Variants in FUT8 observed in about 807,000 individuals in gnomAD.
FUT8 encodes the protein fucosyltransferase 8, also known as alpha-(1,6)-fucosyltransferase.
FUT8 carries 29 observed loss-of-function variants against 71.3 expected under a neutral mutation model. That is an observed-to-expected ratio of 0.41 (90% CI 0.30 to 0.55). The LOEUF (loss-of-function observed/expected upper bound fraction) is 0.55. Ranked by LOEUF, FUT8 falls within the 20% of genes least tolerant of loss-of-function variation. FUT8 has a pLI of 0.34. For missense variants in FUT8, 544 were observed against 702.1 expected (o/e 0.77, Z 2.55); for synonymous variants, 254 against 239.3 (o/e 1.06, Z -0.57).
chr14:65,381,263 T>A, the FUT8 span, among the ~76,000 whole-genome samples: 1 of 152,228 alleles, frequency 6.6e-6, no homozygotes, highest in African/African-American at 2.4e-5. Context: ...CTCTTTCCTT[T>A]AAACTAAACT....
intron 9 of FUT8, among the ~76,000 whole-genome samples, chr14:65,729,606 C>G (rs913286058): frequency 1.3e-5 from 2 of 151,720 alleles, no homozygotes; most frequent in Admixed American, 1.3e-4. Flanking sequence ...GCCTCGACCT[C>G]CTGGGCTCAA....
chr14:65,409,247 C>T (rs959704815), upstream of FUT8, among the ~76,000 whole-genome samples: 8 of 152,164 alleles, frequency 5.3e-5, no homozygotes, highest in South Asian at 2.1e-4. The surrounding 1 kb of genome is among the most constrained non-coding windows in gnomAD (Gnocchi z 5.4). Flanking sequence ...TATAAAACAA[C>T]GAGAACAATT....
At chr14:65,386,397 G>A in the FUT8 span, among the ~76,000 whole-genome samples, 1 of 151,408 alleles carries the variant, frequency 6.6e-6, no homozygotes, top group African/African-American at 2.4e-5. Flanking sequence ...TTAGCTACTT[G>A]GGAGGCTGAG....
At chr14:65,474,142 G>A (rs1208667563) in intron 2 of FUT8, among the ~76,000 whole-genome samples, 2 of 151,946 alleles carry the variant, frequency 1.3e-5, no homozygotes, top group Non-Finnish European at 2.9e-5. Context: ...AGACTGAGAC[G>A]CGGGGAGAAT....
intron 5 of FUT8, among the ~76,000 whole-genome samples, chr14:65,626,577 T>G (rs1889908804): frequency 1.3e-5 from 2 of 152,258 alleles, no homozygotes; most frequent in Admixed American, 6.5e-5. Flanking sequence ...TTTGTGACTT[T>G]GAGCAAATTA....
intron 10 of FUT8, among the ~76,000 whole-genome samples, chr14:65,734,726 A>G (rs887754153): frequency 3.9e-5 from 6 of 152,152 alleles, no homozygotes; most frequent in Admixed American, 6.5e-5. Flanking sequence ...ACAACCTCCA[A>G]ACATTCTTGA....
At chr14:65,662,068 G>A (rs1295911835) in intron 6 of FUT8, among the ~76,000 whole-genome samples, 2 of 152,094 alleles carry the variant, frequency 1.3e-5, no homozygotes, top group Admixed American at 6.6e-5. Context: ...GTTGAAGCAG[G>A]GTCATTCTTG....
intron 1 of FUT8, among the ~76,000 whole-genome samples, chr14:65,444,751 T>G (rs981264255): frequency 1.3e-5 from 2 of 152,250 alleles, no homozygotes; most frequent in Admixed American, 6.5e-5. Context: ...AGAGAATGTG[T>G]ACTGGTTATC....
chr14:65,635,357 A>G (rs1431195857), intron 6 of FUT8, among the ~76,000 whole-genome samples: 3 of 152,158 alleles, frequency 2.0e-5, no homozygotes, highest in Non-Finnish European at 4.4e-5. Context: ...TGCTCTGGCT[A>G]GGACTTCCAG....
chr14:65,424,751 T>C (rs1354166333), intron 1 of FUT8, among the ~76,000 whole-genome samples: 1 of 152,038 alleles, frequency 6.6e-6, no homozygotes, highest in East Asian at 1.9e-4. Context: ...ACCTCTGCCT[T>C]CTGACTCAAG....
chr14:65,465,015 ATT>A (rs1322386102), intron 2 of FUT8, among the ~76,000 whole-genome samples: 17 of 152,316 alleles, frequency 1.1e-4, no homozygotes, highest in African/African-American at 3.8e-4. Flanking sequence ...ATTTAGGCTT[ATT>A]CAGATTATTT....
At chr14:65,666,227 T>A (rs980782377) in intron 6 of FUT8, among the ~76,000 whole-genome samples, 3 of 152,180 alleles carry the variant, frequency 2.0e-5, no homozygotes, top group Admixed American at 2.0e-4. Flanking sequence ...TACGGTTTTC[T>A]TTGGATTCAC....
Position 65,526,048 on chromosome 14 carries a change from G to C in FUT8, c.-227-35289G>C, listed in dbSNP as rs1883443728. ...AAGAATGTATATTCTGTTGATTTGG[G>C]GTGGGGAGTTCTGTAGATGTCTATT... On this transcript the variant is annotated intron_variant, in intron 2 of 10. Coordinates refer to ENST00000673929, the MANE Select transcript of FUT8 (RefSeq NM_001371533.1). 3.9e-5 allele frequency among the ~76,000 whole-genome samples: 6 copies of C among 152,152 alleles called. No homozygotes were observed. The South Asian group carries it at 1.2e-3, about 32-fold the overall frequency.
rs2066163071 is a variant in FUT8, at chr14:65,472,486, AAGT to A, written c.-228+16770_-228+16772del. Among the ~76,000 whole-genome samples, 2 of 152,294 alleles carry A rather than the reference AAGT, an allele frequency of 1.3e-5. No homozygotes were observed. Among genetic ancestry groups the A allele is most frequent in the Admixed American group, 6.5e-5 (1 of 15,308 alleles). ...TCAGGCTATTTACTATTCTGTTTTCAAGTATAGATTGAGGGCAACAGCAGCCTT... is the reference window on the plus strand; with the variant it reads ...TCAGGCTATTTACTATTCTGTTTTCAATAGATTGAGGGCAACAGCAGCCTT... On this transcript the variant is annotated intron_variant, in intron 2 of 10. Coordinates refer to ENST00000673929, the MANE Select transcript of FUT8 (RefSeq NM_001371533.1). The surrounding 1 kb of genome is among the most constrained non-coding windows in gnomAD (Gnocchi z 4.4).
intron 6 of FUT8, among the ~76,000 whole-genome samples, chr14:65,630,714 G>A (rs1041423187): frequency 6.6e-6 from 1 of 152,158 alleles, no homozygotes; most frequent in Admixed American, 6.5e-5. Context: ...GTAGATGAAA[G>A]AACTGAAATG....
At position 65,669,328 on chromosome 14, in the gene FUT8, T is replaced by C; in HGVS notation, c.683T>C (p.Val228Ala). The change falls in exon 7 of 11, where the codon GTC (valine) becomes GCC (alanine). Residue 228 changes from valine to alanine, a missense_variant. Coordinates refer to ENST00000673929, the MANE Select transcript of FUT8 (RefSeq NM_001371533.1). This position sits in a 1 kb window ranked among gnomAD's most constrained non-coding sequence, Gnocchi z 4.5. The part of the protein sequence containing the change: ...CGYGCQLHHV[V>A]YCFMIAYGTQ... The stretch of plus-strand genomic sequence containing the variant: ...TATGGCTGTCAGCTCCATCATGTGG[T>C]CTACTGCTTCATGATTGCATATGGC... The C allele has an allele frequency of 6.2e-7, 1 of 1,613,914 alleles. No individual in the cohort carries two copies. The highest frequency in any genetic ancestry group is 8.5e-7 in the Non-Finnish European group (1 of 1,179,872).
chr14:65,507,277 C>G (rs1475108344), intron 2 of FUT8, among the ~76,000 whole-genome samples: 1 of 152,202 alleles, frequency 6.6e-6, no homozygotes, highest in East Asian at 1.9e-4. Flanking sequence ...GTTATGCAAA[C>G]TCTCGGCCTT....
intron 9 of FUT8, among the ~76,000 whole-genome samples, chr14:65,732,152 GA>G (rs1320385843): frequency 2.0e-5 from 3 of 152,178 alleles, no homozygotes; most frequent in African/African-American, 7.2e-5. Flanking sequence ...CAAAAATAAT[GA>G]GGCCAGATGG....
chr14:65,636,315 AT>A lies in FUT8; in HGVS notation c.597+6719del, dbSNP rs56786117. Reference sequence around the variant, plus strand: ...GCTTTTTGTTTCATTTATCTTTTGTATTTTTTTTTTGTTTGTTTCCATTTCA... The same window carrying A: ...GCTTTTTGTTTCATTTATCTTTTGTATTTTTTTTTGTTTGTTTCCATTTCA... On this transcript the variant is annotated intron_variant, in intron 6 of 10. Transcript: ENST00000673929. Among the ~76,000 whole-genome samples the A allele has an allele frequency of 2.4e-3, 312 of 132,222 alleles. 2 individuals are homozygous for A. In the Middle Eastern group the frequency reaches 0.053, roughly 22 times the overall value. The allele number at this position is 132,222 out of a possible 152,430, so 86.7% of individuals were successfully genotyped here. A position where few individuals can be genotyped will look rare whatever the true frequency, so the allele number is the denominator to read the frequency against.
Sources: allele counts gnomAD v4.1 joint callset (sites outside exome capture counted in the v4.1 genomes callset), GRCh38; gene constraint gnomAD v4.1.1; non-coding constraint Gnocchi (gnomAD v3.1); transcripts MANE v1.5; gene names NCBI Gene and HGNC (gene_info 2026-07-23, HGNC 2026-07-21).